The following SFMBT2 variants were observed in gnomAD, a reference collection of about 807,000 sequenced individuals.
The protein encoded by SFMBT2 is Scm like with four mbt domains 2.
A neutral mutation model predicts 110.1 loss-of-function variants in SFMBT2; 38 were observed. The ratio of observed to expected loss-of-function variants is 0.35; its 90% CI spans 0.27 to 0.45. The LOEUF (loss-of-function observed/expected upper bound fraction) is 0.45. SFMBT2 is among the 20% of genes least tolerant of loss of function. The pLI, the probability that SFMBT2 is intolerant of heterozygous loss-of-function variation, is 1.00. For synonymous variants in SFMBT2, 425 were observed against 425.4 expected (o/e 1.00, Z 0.01); for missense variants, 1,011 against 1,094.9 (o/e 0.92, Z 1.08).
At chr10:7,279,998 G>C (rs1588413443) in intron 6 of SFMBT2, among the ~76,000 whole-genome samples, 2 of 152,310 alleles carry the variant, frequency 1.3e-5, no homozygotes, top group East Asian at 3.9e-4. Context: ...AACCCCAAAG[G>C]GATGCCTTTG....
chr10:7,307,221 C>T (rs1842721941), intron 4 of SFMBT2, among the ~76,000 whole-genome samples: 1 of 152,026 alleles, frequency 6.6e-6, no homozygotes, highest in Non-Finnish European at 1.5e-5. Context: ...GAAATACATA[C>T]CATGTTCATG....
chr10:7,410,206 C>T (rs989278385), intron 1 of SFMBT2, among the ~76,000 whole-genome samples: 2 of 152,252 alleles, frequency 1.3e-5, no homozygotes, highest in Non-Finnish European at 2.9e-5. Context: ...AAAAGACCAT[C>T]CTCGCTGGAG....
intron 11 of SFMBT2, chr10:7,207,689 A>C: frequency 1.2e-6 from 1 of 832,958 alleles, no homozygotes; most frequent in Non-Finnish European, 1.4e-6. Context: ...CCAACAACCA[A>C]ACACAAAATG....
chr10:7,237,427 T>C (rs935919846), intron 9 of SFMBT2, among the ~76,000 whole-genome samples: 1 of 152,272 alleles, frequency 6.6e-6, no homozygotes, highest in Non-Finnish European at 1.5e-5. Flanking sequence ...TAGCGCATTA[T>C]ATATGTATAT....
At chr10:7,228,982 T>A (rs1302297306) in intron 9 of SFMBT2, among the ~76,000 whole-genome samples, 1 of 151,824 alleles carries the variant, frequency 6.6e-6, no homozygotes, top group East Asian at 1.9e-4. Flanking sequence ...ATCAAACCAA[T>A]GGACAGGCAA....
chr10:7,316,359 A>G (rs1320292593), intron 4 of SFMBT2, among the ~76,000 whole-genome samples: 1 of 152,158 alleles, frequency 6.6e-6, no homozygotes, highest in Non-Finnish European at 1.5e-5. Flanking sequence ...CCCCAAAGCC[A>G]TATGAGCAGG....
At chr10:7,169,354 C>T (rs1348744416) in intron 20 of SFMBT2, among the ~76,000 whole-genome samples, 2 of 152,160 alleles carry the variant, frequency 1.3e-5, no homozygotes, top group African/African-American at 4.8e-5. Context: ...TCTTGGACTT[C>T]TCGGGACACA....
intron 4 of SFMBT2, among the ~76,000 whole-genome samples, chr10:7,326,072 C>T (rs1399352014): frequency 6.6e-6 from 1 of 152,158 alleles, no homozygotes; most frequent in Non-Finnish European, 1.5e-5. Flanking sequence ...GTATGTGTTG[C>T]CTGGATTGAA....
chr10:7,311,054 AAAAAAAAAAC>A (rs1480253574), intron 4 of SFMBT2, among the ~76,000 whole-genome samples: 6 of 151,676 alleles, frequency 4.0e-5, no homozygotes, highest in South Asian at 4.1e-4. Flanking sequence ...TCAAAAAAAA[AAAAAAAAAAC>A]AAAACAAAAA....
chr10:7,342,953 A>T (rs1843978370), intron 4 of SFMBT2, among the ~76,000 whole-genome samples: 1 of 152,200 alleles, frequency 6.6e-6, no homozygotes, highest in South Asian at 2.1e-4. Context: ...AGGGTGTCAG[A>T]GTAATTTGAT....
At chr10:7,321,996 G>A (rs1450436031) in intron 4 of SFMBT2, among the ~76,000 whole-genome samples, 1 of 152,172 alleles carries the variant, frequency 6.6e-6, no homozygotes, top group African/African-American at 2.4e-5. Flanking sequence ...GTCATAAAAT[G>A]ACAAATAGGA....
intron 4 of SFMBT2, among the ~76,000 whole-genome samples, chr10:7,352,467 C>CA (rs1844353924): frequency 6.6e-6 from 1 of 152,186 alleles, no homozygotes. Flanking sequence ...GGACTACAGG[C>CA]ATGCACCACC....
intron 1 of SFMBT2, among the ~76,000 whole-genome samples, chr10:7,407,169 G>T (rs533487040): frequency 6.6e-6 from 1 of 152,180 alleles, no homozygotes; most frequent in African/African-American, 2.4e-5. Context: ...TCTCCAGGGC[G>T]GGCCTAGGGA....
chr10:7,373,620 G>A (rs1489899772), intron 2 of SFMBT2, among the ~76,000 whole-genome samples: 1 of 152,112 alleles, frequency 6.6e-6, no homozygotes, highest in African/African-American at 2.4e-5. Flanking sequence ...CCTGTATCAT[G>A]CACCAGAAAC....
intron 1 of SFMBT2, among the ~76,000 whole-genome samples, chr10:7,404,267 A>G (rs1846155059): frequency 6.6e-6 from 1 of 152,206 alleles, no homozygotes; most frequent in South Asian, 2.1e-4. Flanking sequence ...CTAAAACAAG[A>G]CTTTGTAGGA....
At chr10:7,189,899 AGATGGGAGAATGTG>A (rs978169949) in intron 15 of SFMBT2, among the ~76,000 whole-genome samples, 5 of 152,216 alleles carry the variant, frequency 3.3e-5, no homozygotes, top group African/African-American at 1.2e-4. Flanking sequence ...AAATGGAAGG[AGATGGGAGAATGTG>A]GATGGAATTT....
rs1029173827 is a variant in SFMBT2 at position 7,163,492 on chromosome 10, G to C, written c.*278C>G. 2 of 371,168 alleles carry C rather than the reference G, an allele frequency of 5.4e-6. No homozygotes were observed. Among genetic ancestry groups the C allele is most frequent in the Non-Finnish European group, 9.8e-6 (2 of 204,000 alleles). The allele number at this position is 371,168 out of a possible 1,614,324, so 23.0% of individuals were successfully genotyped here. A position where few individuals can be genotyped will look rare whatever the true frequency, so the allele number is the denominator to read the frequency against. The stretch of plus-strand genomic sequence containing the variant: ...GGGAGCTGCCTGATTTGGGGCAGGA[G>C]AAAGGCAAAACGTGGGTGAGCCAAG... On this transcript the variant is annotated 3_prime_UTR_variant, in exon 21 of 21. Coordinates refer to ENST00000397167, the MANE Select transcript of SFMBT2 (RefSeq NM_001387889.1). The surrounding 1 kb of genome is among the most constrained non-coding windows in gnomAD (Gnocchi z 4.8).
chr10:7,220,036 T>C (rs1028060292), intron 11 of SFMBT2, among the ~76,000 whole-genome samples: 1 of 152,192 alleles, frequency 6.6e-6, no homozygotes, highest in African/African-American at 2.4e-5. Context: ...AAGTAAAGGA[T>C]ATAACCACAT....
At chr10:7,168,705 A>G (rs1390554570) in intron 20 of SFMBT2, among the ~76,000 whole-genome samples, 1 of 152,226 alleles carries the variant, frequency 6.6e-6, no homozygotes, top group African/African-American at 2.4e-5. Flanking sequence ...ATTTCAACCT[A>G]TTGCTTTAAT....
Sources: allele counts gnomAD v4.1 joint callset (sites outside exome capture counted in the v4.1 genomes callset), GRCh38; gene constraint gnomAD v4.1.1; non-coding constraint Gnocchi (gnomAD v3.1); transcripts MANE v1.5; gene names NCBI Gene and HGNC (gene_info 2026-07-23, HGNC 2026-07-21).